Variants in SLC39A6 observed in about 807,000 individuals in gnomAD.
SLC39A6 encodes the protein zinc transporter ZIP6.
SLC39A6 carries 51 observed loss-of-function variants against 63.5 expected under a neutral mutation model. That is an observed-to-expected ratio of 0.80 (90% CI 0.64 to 1.01). The LOEUF is 1.01. Ranked by LOEUF, SLC39A6 falls within the 50% of genes least tolerant of loss-of-function variation. SLC39A6 has a pLI of 0.00. For missense variants in SLC39A6, 805 were observed against 927.8 expected, an observed-to-expected ratio of 0.87 and a Z score of 1.72; for synonymous variants, 318 against 324.7, an observed-to-expected ratio of 0.98 and a Z score of 0.22.
chr18:36,111,258 G>C lies in SLC39A6; in HGVS notation c.1925-9C>G. On this transcript the variant is annotated splice_polypyrimidine_tract_variant and intron_variant, in intron 8 of 9. Transcript: ENST00000269187. ...TAGAACAGCAAAGTCACCTTTAACA[G>C]AAAACAAAAAAGGAGGAAAAAGTCA... 1.2e-6 allele frequency: 2 copies of C among 1,601,842 alleles called. No homozygotes were observed. The highest frequency in any genetic ancestry group is 2.2e-5 in the East Asian group (1 of 44,572).
Position 36,126,661 on chromosome 18 carries a change from T to TGCTCCTGGTCTGAGTGAC in SLC39A6, c.346_347insGTCACTCAGACCAGGAGC (p.Glu115_His116insArgHisSerAspGlnGlu). 1 of 1,598,038 alleles carries TGCTCCTGGTCTGAGTGAC rather than the reference T, an allele frequency of 6.3e-7. No homozygotes were observed. Among genetic ancestry groups the TGCTCCTGGTCTGAGTGAC allele is most frequent in the Non-Finnish European group, 8.5e-7 (1 of 1,170,608 alleles). ...AGAGTGATGCTCGTGCTCTGAGTGA[T>TGCTCCTGGTCTGAGTGAC]GCTCATGGTCTGAGTGACGCTCATG... On this transcript the variant is annotated inframe_insertion, in exon 2 of 10. Coordinates refer to ENST00000269187, the MANE Select transcript of SLC39A6 (RefSeq NM_012319.4).
chr18:36,114,829 A>G (rs1354356795), intron 6 of SLC39A6, among the ~76,000 whole-genome samples: 4 of 152,214 alleles, frequency 2.6e-5, no homozygotes, highest in African/African-American at 4.8e-5. Flanking sequence ...TGTTATTTAA[A>G]ATATTTATTT....
At chr18:36,114,509 G>A in intron 6 of SLC39A6, 35 bp from the exon 7 acceptor site, 2 of 1,529,526 alleles carry the variant, frequency 1.3e-6, no homozygotes, top group Non-Finnish European at 8.8e-7. Context: ...GGGACAGTTA[G>A]AAGGCTTTGT....
chr18:36,112,433 T>C, intron 8 of SLC39A6, 68 bp downstream of exon 8: 2 of 1,162,368 alleles, frequency 1.7e-6, no homozygotes, highest in South Asian at 2.6e-5. Flanking sequence ...TGAACTACCA[T>C]TAGCAAAAGC....
At chr18:36,124,374 G>A (rs562781415) in intron 3 of SLC39A6, 146 bp downstream of exon 3, 2 of 485,288 alleles carry the variant, frequency 4.1e-6, no homozygotes, top group Non-Finnish European at 7.0e-6. Flanking sequence ...ACCCTTCCTT[G>A]CTTTCTTCAC....
intron 5 of SLC39A6, 40 bp downstream of exon 5, chr18:36,122,012 T>A (rs1598710881): frequency 7.2e-7 from 1 of 1,397,798 alleles, no homozygotes; most frequent in African/African-American, 1.4e-5. Flanking sequence ...TATAAATAAA[T>A]ATCTGAAGCA....
Position 36,111,170 on chromosome 18 carries a change from C to T in SLC39A6, c.2004G>A (p.Ala668=), listed in dbSNP as rs202101474. The T allele has an allele frequency of 5.6e-5, 90 of 1,614,026 alleles. No individual in the cohort carries two copies. Among genetic ancestry groups the T allele is most frequent in the Non-Finnish European group, 7.1e-5 (84 of 1,179,880 alleles). ...VLYNALSAML[A]YLGMATGIFI... is the part of the protein sequence containing the mutation. ...AAATTCCTGTTGCCATTCCAAGATA[C>T]GCCAGCATGGCTGACAATGCATTAT... Residue 668 remains alanine, a synonymous_variant, in exon 9 of 10, where the codon GCG becomes GCA. Transcript: ENST00000269187.
At chr18:36,117,670 C>A (rs2144503916) in intron 5 of SLC39A6, among the ~76,000 whole-genome samples, 1 of 152,290 alleles carries the variant, frequency 6.6e-6, no homozygotes, top group East Asian at 1.9e-4. Flanking sequence ...CACCACCATA[C>A]CTAAGATTTC....
In SLC39A6 at chr18:36,126,968, C is replaced by T. The variant is rs761479106; in HGVS notation, c.40G>A (p.Ala14Thr). 21 of 1,613,892 alleles carry T rather than the reference C, an allele frequency of 1.3e-5. No homozygotes were observed. In the Admixed American group the frequency reaches 3.2e-4, roughly 24 times the overall value. Residue 14 changes from alanine (A) to threonine (T), a missense_variant, in exon 2 of 10, where the codon GCC becomes ACC. Physicochemically the swap from Ala to Thr is moderately conservative, Grantham distance 58. Around this residue, in one of 4 missense-constraint regions of SLC39A6, gnomAD observed 639 missense variants for 644.0 expected, o/e 0.99. Transcript: ENST00000269187. ...TGAAGGGGATTTGTGACAGAGAGGGCAAAGGTCAGGATCAAGATTACAGAT... is the reference window on the plus strand; with the variant it reads ...TGAAGGGGATTTGTGACAGAGAGGGTAAAGGTCAGGATCAAGATTACAGAT... ...KLSVILILTF[A>T]LSVTNPLHEL...
intron 1 of SLC39A6, among the ~76,000 whole-genome samples, chr18:36,127,991 T>C (rs974625173): frequency 6.6e-5 from 10 of 152,206 alleles, no homozygotes; most frequent in African/African-American, 2.2e-4. Flanking sequence ...TGTCCATACA[T>C]AGAATTCTTA....
intron 5 of SLC39A6, among the ~76,000 whole-genome samples, chr18:36,121,015 T>C (rs147045989): frequency 6.6e-6 from 1 of 151,600 alleles, no homozygotes; most frequent in Non-Finnish European, 1.5e-5. Flanking sequence ...GCATGGCTGA[T>C]AAAGAAAAAA....
At chr18:36,120,844 G>A (rs1240591359) in intron 5 of SLC39A6, among the ~76,000 whole-genome samples, 1 of 152,078 alleles carries the variant, frequency 6.6e-6, no homozygotes, top group Non-Finnish European at 1.5e-5. Context: ...AAGATTCAAA[G>A]GCAAGGTGCT....
At chr18:36,117,371 AC>A (rs1481201042) in intron 5 of SLC39A6, among the ~76,000 whole-genome samples, 1 of 152,172 alleles carries the variant, frequency 6.6e-6, no homozygotes, top group Non-Finnish European at 1.5e-5. Context: ...ATAACCTAAA[AC>A]TATAGTTTTT....
chr18:36,124,717 A>C lies in SLC39A6; in HGVS notation c.790-17T>G. On this transcript the variant is annotated splice_polypyrimidine_tract_variant and intron_variant, in intron 2 of 9. Coordinates refer to ENST00000269187, the MANE Select transcript of SLC39A6 (RefSeq NM_012319.4). ...ATTGAAACACTGAAAGAAACAAAGC[A>C]GTGAAAATCACCAAAAGCCATCCCC... 1 of 1,511,404 alleles carries C rather than the reference A, an allele frequency of 6.6e-7. No individual in the cohort carries two copies. The highest frequency in any genetic ancestry group is 9.0e-7 in the Non-Finnish European group (1 of 1,108,254). The allele number at this position is 1,511,404 out of a possible 1,614,324, so 93.6% of individuals were successfully genotyped here.
chr18:36,121,156 C>CTTTTTTT (rs11313446), intron 5 of SLC39A6, among the ~76,000 whole-genome samples: 1 of 145,250 alleles, frequency 6.9e-6, no homozygotes. Flanking sequence ...CTTTTCTTTT[C>CTTTTTTT]TTTTTTTTTT....
At chr18:36,111,345 T>A in intron 8 of SLC39A6, 96 bp from the exon 9 acceptor site, 1 of 1,264,942 alleles carries the variant, frequency 7.9e-7, no homozygotes, top group Non-Finnish European at 1.1e-6. Flanking sequence ...AATTTTCCAG[T>A]GTTTTTGAGA....
chr18:36,126,420 A>G lies in SLC39A6; in HGVS notation c.588T>C (p.Ser196=). The change falls in exon 2 of 10, where the codon TCT becomes TCC. Residue 196 remains serine, a synonymous_variant. Coordinates refer to ENST00000269187, the MANE Select transcript of SLC39A6 (RefSeq NM_012319.4). ...EVTSTVYNTV[S]EGTHFLETIE... The stretch of plus-strand genomic sequence containing the variant: ...TTGTCTCTAGAAAGTGAGTTCCTTC[A>G]GAGACAGTGTTGTACACAGTTGAGG... 1 of 1,614,248 alleles carries G rather than the reference A, an allele frequency of 6.2e-7. No individual in the cohort carries two copies. Among genetic ancestry groups the G allele is most frequent in the Non-Finnish European group, 8.5e-7 (1 of 1,180,046 alleles).
Position 36,127,778 on chromosome 18 carries a change from G to GTT in SLC39A6, c.-9-764_-9-763dup, listed in dbSNP as rs34708394. ...ATGTATACTTAATTTTTTTTTTAAAGTTTTTTTTTTTTTTTTCTAGAGACG... is the reference window on the plus strand; with the variant it reads ...ATGTATACTTAATTTTTTTTTTAAAGTTTTTTTTTTTTTTTTTTCTAGAGACG... On this transcript the variant is annotated intron_variant, in intron 1 of 9. Coordinates refer to ENST00000269187, the MANE Select transcript of SLC39A6 (RefSeq NM_012319.4). Among the ~76,000 whole-genome samples, 333 of 130,208 alleles carry GTT rather than the reference G, an allele frequency of 2.6e-3. 1 individual carries two copies. Among genetic ancestry groups the GTT allele is most frequent in the East Asian group, 4.3e-3 (19 of 4,414 alleles). The allele number at this position is 130,208 out of a possible 152,430, so 85.4% of individuals were successfully genotyped here. A position where few individuals can be genotyped will look rare whatever the true frequency, so the allele number is the denominator to read the frequency against.
rs149026392 is a variant in SLC39A6, at chr18:36,110,496, T to C, written c.2115+563A>G. Among the ~76,000 whole-genome samples, 1,448 of 151,480 alleles carry C rather than the reference T, an allele frequency of 9.6e-3. 18 individuals carry two copies. The highest frequency in any genetic ancestry group is 0.016 in the Non-Finnish European group (1,114 of 67,896). On this transcript the variant is annotated intron_variant, in intron 9 of 9. Transcript: ENST00000269187. ...CTTATATGCCACAAATTTCTGAATATAGAATCACTTCTCATAATGACTGCA... is the reference window on the plus strand; with the variant it reads ...CTTATATGCCACAAATTTCTGAATACAGAATCACTTCTCATAATGACTGCA...
Sources: allele counts gnomAD v4.1 joint callset (sites outside exome capture counted in the v4.1 genomes callset), GRCh38; gene constraint gnomAD v4.1.1; regional missense constraint gnomAD v4.1.1; transcripts MANE v1.5; gene names NCBI Gene and HGNC (gene_info 2026-07-23, HGNC 2026-07-21).